Variants in FHOD1 observed in about 807,000 individuals in gnomAD.
The protein encoded by FHOD1 is FH1/FH2 domain-containing protein 1.
Under a neutral mutation model 111.6 loss-of-function variants are expected in FHOD1, and 89 were observed. That is an observed-to-expected ratio of 0.80 (90% CI 0.67 to 0.95). The LOEUF (loss-of-function observed/expected upper bound fraction) is 0.95. Among genes scored for constraint, FHOD1 ranks in the 40% least tolerant of loss-of-function variants. The pLI is 0.00. For synonymous variants in FHOD1, 618 were observed against 639.0 expected, an observed-to-expected ratio of 0.97 and a Z score of 0.50; for missense variants, 1,446 against 1,554.2, an observed-to-expected ratio of 0.93 and a Z score of 1.17.
In FHOD1 at chr16:67,238,789, A is replaced by T; in HGVS notation, c.373+114T>A. The T allele has an allele frequency of 1.0e-6, 1 of 977,310 alleles. No homozygotes were observed. Among genetic ancestry groups the T allele is most frequent in the Non-Finnish European group, 1.6e-6 (1 of 608,956 alleles). 60.5% of individuals were successfully genotyped at this position (977,310 alleles called of 1,614,324 possible). A position where few individuals can be genotyped will look rare whatever the true frequency, so the allele number is the denominator to read the frequency against. On this transcript the variant is annotated intron_variant, in intron 3 of 21. Transcript: ENST00000258201. The surrounding 1 kb of genome is among the most constrained non-coding windows in gnomAD (Gnocchi z 4.2). ...AGAAGAGGTCAGGATAGGGAGAGGA[A>T]GGAGCACATACAGCTAAACCTACTT...
In FHOD1 at chr16:67,238,656, A is replaced by G. The variant is rs1245620455; in HGVS notation, c.374-209T>C. ...AACCTCAAACTCCTAGCCTCAAGCAATTCTCCCACCTTGACCTCTCAAAGC... is the reference window on the plus strand; with the variant it reads ...AACCTCAAACTCCTAGCCTCAAGCAGTTCTCCCACCTTGACCTCTCAAAGC... On this transcript the variant is annotated intron_variant, in intron 3 of 21. Transcript: ENST00000258201. The surrounding 1 kb of genome is among the most constrained non-coding windows in gnomAD (Gnocchi z 4.2). 2 of 662,956 alleles carry G rather than the reference A, an allele frequency of 3.0e-6. No homozygotes were observed. Among genetic ancestry groups the G allele is most frequent in the South Asian group, 1.8e-5 (1 of 55,864 alleles). 41.1% of individuals were successfully genotyped at this position (662,956 alleles called of 1,614,324 possible).
chr16:67,240,370 G>A (rs979234121), intron 1 of FHOD1, among the ~76,000 whole-genome samples: 1 of 152,144 alleles, frequency 6.6e-6, no homozygotes, highest in African/African-American at 2.4e-5. Context: ...CTACAAAAAT[G>A]CAAAAATTAG....
At chr16:67,234,509 C>T (rs1323445286) in intron 11 of FHOD1, 37 bp from the exon 12 acceptor site, 2 of 1,527,418 alleles carry the variant, frequency 1.3e-6, no homozygotes, top group South Asian at 2.4e-5. Flanking sequence ...GCGTCTGACA[C>T]ACCCCAGCCC....
Position 67,231,970 on chromosome 16 carries a change from C to A in FHOD1, c.2202+69G>T. The A allele has an allele frequency of 3.8e-6, 6 of 1,588,420 alleles. No homozygotes were observed. Among genetic ancestry groups the A allele is most frequent in the Non-Finnish European group, 4.3e-6 (5 of 1,164,968 alleles). ...AAGCCCATGCCCACCACCAGAGGGACAGGAAATGCCCACCTACCAAAGGAG... is the reference window on the plus strand; with the variant it reads ...AAGCCCATGCCCACCACCAGAGGGAAAGGAAATGCCCACCTACCAAAGGAG... On this transcript the variant is annotated intron_variant, in intron 14 of 21. Coordinates refer to ENST00000258201, the MANE Select transcript of FHOD1 (RefSeq NM_013241.3). The surrounding 1 kb of genome is among the most constrained non-coding windows in gnomAD (Gnocchi z 4.3).
In FHOD1 at chr16:67,239,334, C is replaced by T; in HGVS notation, c.308+14G>A. Reference sequence around the variant, plus strand: ...TGGGGGTAACCTTGCCTCCCTGGCCCCATCAGTTCTGACCTGATCTCTTCA... The same window carrying T: ...TGGGGGTAACCTTGCCTCCCTGGCCTCATCAGTTCTGACCTGATCTCTTCA... On this transcript the variant is annotated intron_variant, in intron 2 of 21. Transcript: ENST00000258201. 1 of 1,603,618 alleles carries T rather than the reference C, an allele frequency of 6.2e-7. No individual in the cohort carries two copies. Among genetic ancestry groups the T allele is most frequent in the Admixed American group, 1.7e-5 (1 of 60,004 alleles).
At position 67,229,718 on chromosome 16, in the gene FHOD1, A is replaced by T; in HGVS notation, c.3413T>A (p.Leu1138Ter). 6.2e-7 allele frequency: 1 copy of T among 1,614,122 alleles called. No individual in the cohort carries two copies. The highest frequency in any genetic ancestry group is 8.5e-7 in the Non-Finnish European group (1 of 1,179,974). The change falls in exon 22 of 22, where the codon TTG becomes TAG. Residue 1138 changes from leucine (L) to a stop codon, truncating the protein, a stop_gained and splice_region_variant. Transcript: ENST00000258201. LOFTEE classifies it high-confidence loss of function. Reference sequence around the variant, plus strand: ...GAGCCCACTCTTCAACGTCCTTCTCACTGCAGGGACAGAGCAGGGTTGGAG... The same window carrying T: ...GAGCCCACTCTTCAACGTCCTTCTCTCTGCAGGGACAGAGCAGGGTTGGAG... ...RKRSRGNRKS[L>*]RRTLKSGLGD...
rs749984369 is a variant in FHOD1 at position 67,236,517 on chromosome 16, GGA to G, written c.1319+38_1319+39del. The G allele has an allele frequency of 3.8e-6, 6 of 1,599,440 alleles. No individual in the cohort carries two copies. In the East Asian group the frequency reaches 6.7e-5, roughly 18 times the overall value. ...AGGGGCGCAAAGCGGAGGGACAATG[GGA>G]GAGAGGACTCCAGGGTGGCCTCTGT... On this transcript the variant is annotated intron_variant, in intron 11 of 21. Transcript: ENST00000258201.
At position 67,241,407 on chromosome 16, in the gene FHOD1, C is replaced by T. The variant is rs1597329787; in HGVS notation, c.202-1953G>A. 2.0e-5 allele frequency among the ~76,000 whole-genome samples: 3 copies of T among 152,312 alleles called. No individual in the cohort carries two copies. The South Asian group carries it at 6.2e-4, about 32-fold the overall frequency. ...CACACAGTGACTCAGCAGCCTACCACCCCACCCCCATTCAGGCACAGCCGC... is the reference window on the plus strand; with the variant it reads ...CACACAGTGACTCAGCAGCCTACCATCCCACCCCCATTCAGGCACAGCCGC... On this transcript the variant is annotated intron_variant, in intron 1 of 21. Coordinates refer to ENST00000258201, the MANE Select transcript of FHOD1 (RefSeq NM_013241.3).
intron 1 of FHOD1, among the ~76,000 whole-genome samples, chr16:67,241,114 A>ACAC (rs1691128668): frequency 2.4e-5 from 2 of 83,316 alleles, no homozygotes; most frequent in African/African-American, 5.6e-5. Context: ...CCCTTGGATG[A>ACAC]CCCCCCCCCC....
rs544365138 is a variant in FHOD1, at chr16:67,244,677, G to A, written c.201+2533C>T. 2.9e-4 allele frequency among the ~76,000 whole-genome samples: 44 copies of A among 152,282 alleles called. No homozygotes were observed. The South Asian group carries it at 8.9e-3, about 31-fold the overall frequency. On this transcript the variant is annotated intron_variant, in intron 1 of 21. Transcript: ENST00000258201. ...TGGCCTCTGTACATCCCCAGGGAGGGGGGTCATCTGCTGGGATGATCAGGG... is the reference window on the plus strand; with the variant it reads ...TGGCCTCTGTACATCCCCAGGGAGGAGGGTCATCTGCTGGGATGATCAGGG...
At position 67,230,750 on chromosome 16, in the gene FHOD1, C is replaced by T; in HGVS notation, c.2709G>A (p.Glu903=). Residue 903 remains glutamate, a synonymous_variant, in exon 18 of 22, where the codon GAG becomes GAA. Coordinates refer to ENST00000258201, the MANE Select transcript of FHOD1 (RefSeq NM_013241.3). ...TCTCCTCGGCTGCCCGGCTCCGGCG[C>T]TCCAGCTGCCCCAGGTTCTCAGTCA... The part of the protein sequence containing the change: ...EQLTENLGQL[E]RRSRAAEESL... 4 of 1,608,180 alleles carry T rather than the reference C, an allele frequency of 2.5e-6. No homozygotes were observed. The highest frequency in any genetic ancestry group is 3.4e-6 in the Non-Finnish European group (4 of 1,177,010).
In FHOD1 at chr16:67,231,013, G is replaced by T; in HGVS notation, c.2667+175C>A. ...AAACAGACCCAAAGACTGAGTAGGT[G>T]TGGCCAGGCCAATAGAGGAAAGAGC... On this transcript the variant is annotated intron_variant, in intron 17 of 21. Transcript: ENST00000258201. The surrounding 1 kb of genome is among the most constrained non-coding windows in gnomAD (Gnocchi z 4.3). 1 of 912,296 alleles carries T rather than the reference G, an allele frequency of 1.1e-6. No individual in the cohort carries two copies. Among genetic ancestry groups the T allele is most frequent in the Non-Finnish European group, 1.6e-6 (1 of 613,948 alleles). The allele number at this position is 912,296 out of a possible 1,614,324, so 56.5% of individuals were successfully genotyped here.
chr16:67,247,357 C>A lies in FHOD1; in HGVS notation c.54G>T (p.Val18=). 1 of 1,613,642 alleles carries A rather than the reference C, an allele frequency of 6.2e-7. No homozygotes were observed. Among genetic ancestry groups the A allele is most frequent in the Non-Finnish European group, 8.5e-7 (1 of 1,179,818 alleles). The change falls in exon 1 of 22, where the codon GTG becomes GTT. Residue 18 remains valine, a synonymous_variant. Transcript: ENST00000258201. ...CGGTGTCTTCCAGGTACTGCACCCT[C>A]ACGGTCACCACTGATACCGGCTCTC... ...GDGEPVSVVT[V]RVQYLEDTDP... is the part of the protein sequence containing the mutation.
chr16:67,236,059 T>C, intron 11 of FHOD1: 1 of 980,168 alleles, frequency 1.0e-6, no homozygotes, highest in Non-Finnish European at 1.2e-6. Flanking sequence ...ACGGGTGGGC[T>C]CTCAGGGGCC....
At chr16:67,241,314 G>A (rs932873747) in intron 1 of FHOD1, among the ~76,000 whole-genome samples, 3 of 152,152 alleles carry the variant, frequency 2.0e-5, no homozygotes, top group Non-Finnish European at 2.9e-5. Context: ...AGCAAGGCCT[G>A]AGGGCTGGGG....
At position 67,238,002 on chromosome 16, in the gene FHOD1, A is replaced by G. The variant is rs1199432784; in HGVS notation, c.642+32T>C. ...GAGGCCCAGAGAGAAGCAACAGGCA[A>G]AGGGTATAAGGCTGAGTGGAGAGCC... On this transcript the variant is annotated intron_variant, in intron 6 of 21. Coordinates refer to ENST00000258201, the MANE Select transcript of FHOD1 (RefSeq NM_013241.3). The surrounding 1 kb of genome is among the most constrained non-coding windows in gnomAD (Gnocchi z 4.2). The G allele has an allele frequency of 2.4e-5, 39 of 1,603,474 alleles. No homozygotes were observed. The highest frequency in any genetic ancestry group is 3.2e-5 in the Non-Finnish European group (38 of 1,171,226).
chr16:67,240,162 C>T (rs2034625942), intron 1 of FHOD1, among the ~76,000 whole-genome samples: 1 of 152,098 alleles, frequency 6.6e-6, no homozygotes, highest in African/African-American at 2.4e-5. Context: ...GGGTCTTTGG[C>T]CTCTCCCAAA....
Position 67,229,515 on chromosome 16 carries a change from C to A in FHOD1, c.*121G>T, listed in dbSNP as rs2034160407. The A allele has an allele frequency of 1.2e-6, 1 of 862,432 alleles. No individual in the cohort carries two copies. The highest frequency in any genetic ancestry group is 2.0e-6 in the Non-Finnish European group (1 of 511,296). The allele number at this position is 862,432 out of a possible 1,614,324, so 53.4% of individuals were successfully genotyped here. A position where few individuals can be genotyped will look rare whatever the true frequency, so the allele number is the denominator to read the frequency against. ...ATGCATACACACACGGCTAATACTG[C>A]TCAAGGCATGGCTCCTGGGCACAGA... On this transcript the variant is annotated 3_prime_UTR_variant, in exon 22 of 22. Coordinates refer to ENST00000258201, the MANE Select transcript of FHOD1 (RefSeq NM_013241.3).
chr16:67,233,551 G>A, intron 13 of FHOD1, 106 bp downstream of exon 13: 2 of 1,421,788 alleles, frequency 1.4e-6, no homozygotes, highest in Non-Finnish European at 1.9e-6. Context: ...TCTTTGCCTT[G>A]GTTTCCCCAT....
Sources: allele counts gnomAD v4.1 joint callset (sites outside exome capture counted in the v4.1 genomes callset), GRCh38; gene constraint gnomAD v4.1.1; non-coding constraint Gnocchi (gnomAD v3.1); transcripts MANE v1.5; gene names NCBI Gene and HGNC (gene_info 2026-07-23, HGNC 2026-07-21).